PHACTR3: variants seen among roughly 807,000 people sequenced by gnomAD.
The protein encoded by PHACTR3 is phosphatase and actin regulator 3, also known as protein phosphatase 1, regulatory subunit 123.
PHACTR3 carries 16 observed loss-of-function variants against 66.8 expected under a neutral mutation model. The ratio of observed to expected loss-of-function variants is 0.24; its 90% CI spans 0.16 to 0.36. The LOEUF is 0.36. Among genes scored for constraint, PHACTR3 ranks in the 10% least tolerant of loss-of-function variants. PHACTR3 has a pLI of 1.00. For missense variants in PHACTR3, 647 were observed against 719.9 expected (o/e 0.90, Z 1.16); for synonymous variants, 323 against 292.1 (o/e 1.11, Z -1.08).
intron 1 of PHACTR3, among the ~76,000 whole-genome samples, chr20:59,650,536 A>G (rs2035426833): frequency 6.6e-6 from 1 of 152,146 alleles, no homozygotes; most frequent in Non-Finnish European, 1.5e-5. Flanking sequence ...CAAAGCATAT[A>G]ACAATGGCAA....
chr20:59,763,698 A>T (rs1452846135), intron 4 of PHACTR3, among the ~76,000 whole-genome samples: 1 of 152,238 alleles, frequency 6.6e-6, no homozygotes, highest in Non-Finnish European at 1.5e-5. Context: ...TGAGAAGGTT[A>T]GACAGGGAAG....
At chr20:59,832,808 C>T (rs985297751) in intron 8 of PHACTR3, among the ~76,000 whole-genome samples, 9 of 152,162 alleles carry the variant, frequency 5.9e-5, no homozygotes, top group Admixed American at 5.2e-4. Context: ...CCTCACCTAG[C>T]GATCCCCAAT....
intron 7 of PHACTR3, among the ~76,000 whole-genome samples, chr20:59,793,968 C>T (rs2041177986): frequency 6.6e-6 from 1 of 151,668 alleles, no homozygotes; most frequent in African/African-American, 2.4e-5. Flanking sequence ...ACTAAAAATA[C>T]AAAAAATTAG....
At position 59,830,689 on chromosome 20, in the gene PHACTR3, TTGTG is replaced by T. The variant is rs2042341413; in HGVS notation, c.1329-5812_1329-5809del. On this transcript the variant is annotated intron_variant, in intron 8 of 12. Coordinates refer to ENST00000371015, the MANE Select transcript of PHACTR3 (RefSeq NM_080672.5). The surrounding 1 kb of genome is among the most constrained non-coding windows in gnomAD (Gnocchi z 5.8). ...CTATAGTAGTAATGATGCCACCTATTTGTGTGTCAACCTCCTCCTGTATTTAGTG... is the reference window on the plus strand; with the variant it reads ...CTATAGTAGTAATGATGCCACCTATTTGTCAACCTCCTCCTGTATTTAGTG... Among the ~76,000 whole-genome samples the T allele has an allele frequency of 1.3e-5, 2 of 152,228 alleles. No individual in the cohort carries two copies. Among genetic ancestry groups the T allele is most frequent in the Non-Finnish European group, 2.9e-5 (2 of 67,998 alleles).
intron 1 of PHACTR3, among the ~76,000 whole-genome samples, chr20:59,632,310 A>T (rs1176325856): frequency 2.0e-5 from 3 of 152,150 alleles, no homozygotes; most frequent in Non-Finnish European, 4.4e-5. Flanking sequence ...GTCTCTGTCC[A>T]CGTGGAATTG....
intron 1 of PHACTR3, among the ~76,000 whole-genome samples, chr20:59,594,193 G>C (rs79948132): frequency 0.093 from 14,077 of 152,164 alleles, 662 homozygotes; most frequent in Middle Eastern, 0.15. Context: ...TACATATTTT[G>C]TTAGGTGTAT....
chr20:59,595,206 T>G (rs2033291344), intron 1 of PHACTR3, among the ~76,000 whole-genome samples: 1 of 152,198 alleles, frequency 6.6e-6, no homozygotes, highest in Non-Finnish European at 1.5e-5. Context: ...CTCACACCTG[T>G]AATACCAGCA....
intron 1 of PHACTR3, among the ~76,000 whole-genome samples, chr20:59,690,686 T>C (rs2146577917): frequency 6.6e-6 from 1 of 152,342 alleles, no homozygotes; most frequent in South Asian, 2.1e-4. Flanking sequence ...CCTCACTGGC[T>C]GGATGAAGCA....
chr20:59,747,679 C>T, intron 2 of PHACTR3, 79 bp from the exon 3 acceptor site: 2 of 1,511,568 alleles, frequency 1.3e-6, no homozygotes, highest in Non-Finnish European at 1.8e-6. Context: ...TAAACTTGAG[C>T]CTGGCATTGG....
chr20:59,700,030 G>C lies in PHACTR3; in HGVS notation c.119-43077G>C, dbSNP rs532573570. On this transcript the variant is annotated intron_variant, in intron 1 of 12. Transcript: ENST00000371015. ...ACTAAACTTGCTTTCTGGTTGACCA[G>C]TTCTCCTTCCCTGAGGCAACCACTG... Among the ~76,000 whole-genome samples the C allele has an allele frequency of 2.6e-5, 4 of 152,326 alleles. No individual in the cohort carries two copies. In the South Asian group the frequency reaches 8.3e-4, roughly 32 times the overall value.
At chr20:59,783,972 G>A (rs756877977) in intron 7 of PHACTR3, among the ~76,000 whole-genome samples, 4 of 152,232 alleles carry the variant, frequency 2.6e-5, no homozygotes, top group Admixed American at 1.3e-4. Context: ...GCTCCGCAAG[G>A]GTGAAGGTCA....
At chr20:59,780,539 G>A (rs2146920354) in intron 7 of PHACTR3, among the ~76,000 whole-genome samples, 1 of 152,302 alleles carries the variant, frequency 6.6e-6, no homozygotes, top group Non-Finnish European at 1.5e-5. Flanking sequence ...AATCCCATTG[G>A]TGAGGGTTCC....
chr20:59,672,156 G>C (rs930293627), intron 1 of PHACTR3, among the ~76,000 whole-genome samples: 2 of 152,222 alleles, frequency 1.3e-5, no homozygotes, highest in African/African-American at 4.8e-5. Context: ...GCATCTCATG[G>C]GCAGAGGCCA....
chr20:59,686,542 GTCGTGATGATGA>G (rs1393133680), intron 1 of PHACTR3, among the ~76,000 whole-genome samples: 1 of 149,134 alleles, frequency 6.7e-6, no homozygotes, highest in African/African-American at 2.4e-5. Flanking sequence ...GATGATGATG[GTCGTGATGATGA>G]TGGTGATGAT....
intron 1 of PHACTR3, among the ~76,000 whole-genome samples, chr20:59,714,758 GT>G (rs1334437047): frequency 6.6e-6 from 1 of 152,142 alleles, no homozygotes; most frequent in Non-Finnish European, 1.5e-5. Context: ...GAACTTGTGG[GT>G]CAATTTAGGA....
At chr20:59,842,292 G>A (rs1025541984) in intron 11 of PHACTR3, among the ~76,000 whole-genome samples, 2 of 152,160 alleles carry the variant, frequency 1.3e-5, no homozygotes, top group Non-Finnish European at 2.9e-5. Flanking sequence ...AAGCCTTTAG[G>A]AAGAGAAAAA....
chr20:59,663,060 T>A (rs1306172685), intron 1 of PHACTR3, among the ~76,000 whole-genome samples: 1 of 152,184 alleles, frequency 6.6e-6, no homozygotes, highest in Non-Finnish European at 1.5e-5. Context: ...CTCTCTAGCG[T>A]CTGGGGGCTG....
In PHACTR3 at chr20:59,611,574, A is replaced by AAGG. The variant is rs144094385; in HGVS notation, c.118+6459_118+6461dup. ...GGCCATTCTCAGCAAATGGTGGAGG[A>AAGG]AGGAGGAGGAGGAGGAGGATGTGGT... On this transcript the variant is annotated intron_variant, in intron 1 of 12. Transcript: ENST00000371015. 9.4e-3 allele frequency among the ~76,000 whole-genome samples: 1,435 copies of AAGG among 152,156 alleles called. 31 individuals are homozygous for AAGG. The highest frequency in any genetic ancestry group is 0.032 in the African/African-American group (1,344 of 41,528).
rs60327319 is a variant in PHACTR3, at chr20:59,593,359, CTTG to C, written c.109+15749_109+15751del. 5.7e-3 allele frequency among the ~76,000 whole-genome samples: 871 copies of C among 152,286 alleles called. 8 individuals carry two copies. The highest frequency in any genetic ancestry group is 0.02 in the African/African-American group (811 of 41,556). ...ATTTTCAAATCAAATTGTTCATTCT[CTTG>C]TTGTTGAGTTTCAAGAGTTCTCTGT... On this transcript the variant is annotated intron_variant, in intron 1 of 12. Transcript: ENST00000359926.
Sources: allele counts gnomAD v4.1 joint callset (sites outside exome capture counted in the v4.1 genomes callset), GRCh38; gene constraint gnomAD v4.1.1; non-coding constraint Gnocchi (gnomAD v3.1); transcripts MANE v1.5; gene names NCBI Gene and HGNC (gene_info 2026-07-23, HGNC 2026-07-21).